VWA7: variants seen among roughly 807,000 people sequenced by gnomAD.
VWA7 encodes von Willebrand factor A domain-containing protein 7.
Under a neutral mutation model 83.1 loss-of-function variants are expected in VWA7, and 66 were observed. The observed-to-expected ratio is 0.79, with a 90% CI of 0.65 to 0.98. VWA7 has a LOEUF of 0.98. VWA7 is among the 50% of genes least tolerant of loss of function. The pLI is 0.00. For missense variants in VWA7, 1,080 were observed against 1,160.2 expected (o/e 0.93, Z 1.00); for synonymous variants, 424 against 488.5 (o/e 0.87, Z 1.74).
At position 31,767,201 on chromosome 6, in the gene VWA7, A is replaced by G; in HGVS notation, c.1839T>C (p.Asp613=). ...GGGGGTAGAGGCCAGGGTGGGGTCC[A>G]TCCTCCATGGGGATCCCAAAGTGGA... ...FLFHFGIPME[D]GPHPGLYPLT... The change falls in exon 13 of 17, where the codon GAT becomes GAC. Residue 613 remains aspartate, a synonymous_variant. Coordinates refer to ENST00000375688, the MANE Select transcript of VWA7 (RefSeq NM_025258.3). The G allele has an allele frequency of 6.3e-7, 1 of 1,596,304 alleles. No individual in the cohort carries two copies. Among genetic ancestry groups the G allele is most frequent in the Non-Finnish European group, 8.5e-7 (1 of 1,174,718 alleles).
In VWA7 at chr6:31,771,066, A is replaced by G. The variant is rs370802669; in HGVS notation, c.1088-953T>C. Reference sequence around the variant, plus strand: ...AAAAAAACTGGGTTTCCTCATAAGAAAAGAGACCGAATAGCACTTACCTCA... The same window carrying G: ...AAAAAAACTGGGTTTCCTCATAAGAGAAGAGACCGAATAGCACTTACCTCA... On this transcript the variant is annotated intron_variant, in intron 7 of 16. Coordinates refer to ENST00000375688, the MANE Select transcript of VWA7 (RefSeq NM_025258.3). Among the ~76,000 whole-genome samples, 691 of 152,106 alleles carry G rather than the reference A, an allele frequency of 4.5e-3. 22 individuals carry two copies. The South Asian group carries it at 0.081, about 18-fold the overall frequency.
intron 7 of VWA7, 90 bp downstream of exon 7, chr6:31,772,864 G>C: frequency 1.4e-6 from 2 of 1,478,124 alleles, no homozygotes; most frequent in Non-Finnish European, 1.8e-6. Context: ...CTCCCAAAGT[G>C]CTGGGATTAC....
At position 31,766,027 on chromosome 6, in the gene VWA7, C is replaced by A. The variant is rs1428662504; in HGVS notation, c.2355G>T (p.Trp785Cys). The A allele has an allele frequency of 6.2e-7, 1 of 1,613,006 alleles. No individual in the cohort carries two copies. The highest frequency in any genetic ancestry group is 1.7e-5 in the Admixed American group (1 of 60,032). Residue 785 changes from tryptophan to cysteine, a missense_variant, in exon 16 of 17, where the codon TGG becomes TGT. Coordinates refer to ENST00000375688, the MANE Select transcript of VWA7 (RefSeq NM_025258.3). This position sits in a 1 kb window ranked among gnomAD's most constrained non-coding sequence, Gnocchi z 4.9. ...RAHLELNESA[W>C]GRLWLEVPDS... ...CTGGGACCTCCAGCCACAGGCGGCC[C>A]CAGGCCGACTCATTCAGTTCCAGGT...
In VWA7 at chr6:31,766,887, G is replaced by C; in HGVS notation, c.1883-123C>G. ...ATGGATGGGAAAATAGGTTACCTTC[G>C]AGGGGTATTGATGGGGAGCATCAGG... On this transcript the variant is annotated intron_variant, in intron 13 of 16. Transcript: ENST00000375688. The surrounding 1 kb of genome is among the most constrained non-coding windows in gnomAD (Gnocchi z 4.9). The C allele has an allele frequency of 9.1e-7, 1 of 1,098,980 alleles. No individual in the cohort carries two copies. The highest frequency in any genetic ancestry group is 1.3e-6 in the Non-Finnish European group (1 of 791,102). 68.1% of individuals were successfully genotyped at this position (1,098,980 alleles called of 1,614,324 possible). A position where few individuals can be genotyped will look rare whatever the true frequency, so the allele number is the denominator to read the frequency against.
chr6:31,776,520 G>A lies in VWA7; in HGVS notation c.234+26C>T, dbSNP rs1183126989. The A allele has an allele frequency of 2.6e-6, 4 of 1,521,840 alleles. No individual in the cohort carries two copies. Among genetic ancestry groups the A allele is most frequent in the Middle Eastern group, 1.7e-4 (1 of 5,858 alleles). The allele number at this position is 1,521,840 out of a possible 1,614,324, so 94.3% of individuals were successfully genotyped here. ...CATGGAATTGGGGACTCTGGCAGGG[G>A]TGTGACAGGACCCTGGGATGCTCAC... On this transcript the variant is annotated intron_variant, in intron 2 of 16. Coordinates refer to ENST00000375688, the MANE Select transcript of VWA7 (RefSeq NM_025258.3). This position sits in a 1 kb window ranked among gnomAD's most constrained non-coding sequence, Gnocchi z 6.2.
In VWA7 at chr6:31,766,516, G is replaced by A. The variant is rs28400001; in HGVS notation, c.2131C>T (p.Arg711Cys). The A allele has an allele frequency of 3.0e-3, 4,791 of 1,607,468 alleles. 88 individuals are homozygous for A. The African/African-American group carries it at 0.049, about 17-fold the overall frequency. The change falls in exon 14 of 17, where the codon CGC becomes TGC. Residue 711 changes from arginine to cysteine, a missense_variant. Transcript: ENST00000375688. The surrounding 1 kb of genome is among the most constrained non-coding windows in gnomAD (Gnocchi z 4.9). ...ELIGQDAAGR[R>C]LHRAAPQPST... ...GGCTGAGGGGCAGCCCTGTGCAGGC[G>A]CCGCCCCGCTGCGTCCTGGCCAATC...
At chr6:31,772,491 C>T (rs967892609) in intron 7 of VWA7, among the ~76,000 whole-genome samples, 1 of 150,290 alleles carries the variant, frequency 6.7e-6, no homozygotes, top group Admixed American at 6.6e-5. Context: ...GAGGCTCACT[C>T]GGGACTACAG....
In VWA7 at chr6:31,765,601, GAGGCCAGGCCTAGC is replaced by G; in HGVS notation, c.2655_2668del (p.Gly887ValfsTer?). ...CCTTTAGAGCCCGTTGTGTCACCAG[GAGGCCAGGCCTAGC>G]AGAAGCAGCACCCCTCCAACTGTGC... On this transcript the variant is annotated frameshift_variant, in exon 17 of 17. Transcript: ENST00000375688. LOFTEE classifies it high-confidence loss of function. 1 of 1,610,848 alleles carries G rather than the reference GAGGCCAGGCCTAGC, an allele frequency of 6.2e-7. No homozygotes were observed. Among genetic ancestry groups the G allele is most frequent in the Non-Finnish European group, 8.5e-7 (1 of 1,179,434 alleles).
chr6:31,770,096 T>C lies in VWA7; in HGVS notation c.1105A>G (p.Thr369Ala), dbSNP rs1812032769. The stretch of plus-strand genomic sequence containing the variant: ...CAGAAGCTGTCAGGGTCACTGGTTG[T>C]AAAGACAGGGCCGAACCCTGGGAAG... ...FHDPGFGPVF[T>A]TSDPDSFWQQ... Residue 369 changes from threonine (T) to alanine (A), a missense_variant, in exon 8 of 17, where the codon ACA becomes GCA. By Grantham distance (58) the Thr-to-Ala change is moderately conservative. Coordinates refer to ENST00000375688, the MANE Select transcript of VWA7 (RefSeq NM_025258.3). 6.2e-7 allele frequency: 1 copy of C among 1,612,392 alleles called. No individual in the cohort carries two copies. Among genetic ancestry groups the C allele is most frequent in the African/African-American group, 1.3e-5 (1 of 74,718 alleles).
At position 31,766,456 on chromosome 6, in the gene VWA7, G is replaced by A. The variant is rs1479301079; in HGVS notation, c.2184+7C>T. 6 of 1,586,842 alleles carry A rather than the reference G, an allele frequency of 3.8e-6. No homozygotes were observed. The highest frequency in any genetic ancestry group is 1.8e-5 in the Admixed American group (1 of 56,130). ...AGCCCCAGCCGCACTTTCCCCTGGC[G>A]TCTCACCTCCAGAAGGACAGGGACT... On this transcript the variant is annotated splice_region_variant and intron_variant, in intron 14 of 16. Transcript: ENST00000375688. This position sits in a 1 kb window ranked among gnomAD's most constrained non-coding sequence, Gnocchi z 4.9.
intron 7 of VWA7, among the ~76,000 whole-genome samples, chr6:31,772,142 CTTT>C (rs761228094): frequency 5.0e-5 from 7 of 140,816 alleles, no homozygotes; most frequent in East Asian, 2.0e-4. Context: ...TGCTAGTTAT[CTTT>C]TTTTTTTTTT....
In VWA7 at chr6:31,776,100, A is replaced by G. The variant is rs778858150; in HGVS notation, c.377T>C (p.Leu126Pro). 1.9e-6 allele frequency: 3 copies of G among 1,614,024 alleles called. No individual in the cohort carries two copies. Among genetic ancestry groups the G allele is most frequent in the Admixed American group, 1.7e-5 (1 of 60,020 alleles). ...ACCCAGTCGCTCAGCATCAAAGTGCAGGTCGGGGTCATTCCTGGAAGTTGG... is the reference window on the plus strand; with the variant it reads ...ACCCAGTCGCTCAGCATCAAAGTGCGGGTCGGGGTCATTCCTGGAAGTTGG... ...FLPTSRNDPD[L>P]HFDAERLGQG... The change falls in exon 3 of 17, where the codon CTG (leucine) becomes CCG (proline). Residue 126 changes from leucine to proline, a missense_variant. Physicochemically the swap from Leu to Pro is moderately conservative, Grantham distance 98. Coordinates refer to ENST00000375688, the MANE Select transcript of VWA7 (RefSeq NM_025258.3). This position sits in a 1 kb window ranked among gnomAD's most constrained non-coding sequence, Gnocchi z 6.2.
chr6:31,766,034 G>A lies in VWA7; in HGVS notation c.2348C>T (p.Ser783Leu), dbSNP rs775332511. The change falls in exon 16 of 17, where the codon TCG becomes TTG. Residue 783 changes from serine (S) to leucine (L), a missense_variant. Coordinates refer to ENST00000375688, the MANE Select transcript of VWA7 (RefSeq NM_025258.3). The surrounding 1 kb of genome is among the most constrained non-coding windows in gnomAD (Gnocchi z 4.9). ...LSRAHLELNE[S>L]AWGRLWLEVP... ...CTCCAGCCACAGGCGGCCCCAGGCCGACTCATTCAGTTCCAGGTGAGCCCT... is the reference window on the plus strand; with the variant it reads ...CTCCAGCCACAGGCGGCCCCAGGCCAACTCATTCAGTTCCAGGTGAGCCCT... The A allele has an allele frequency of 2.2e-5, 36 of 1,612,906 alleles. No individual in the cohort carries two copies. The Admixed American group carries it at 4.3e-4, about 19-fold the overall frequency.
intron 7 of VWA7, 144 bp from the exon 8 acceptor site, chr6:31,770,257 C>T (rs1373032549): frequency 1.5e-5 from 10 of 677,048 alleles, no homozygotes; most frequent in Non-Finnish European, 2.5e-5. Flanking sequence ...AAGACTCATA[C>T]TTGGCCGGGT....
intron 7 of VWA7, among the ~76,000 whole-genome samples, chr6:31,772,750 C>G (rs1168604386): frequency 1.3e-5 from 2 of 151,822 alleles, no homozygotes; most frequent in African/African-American, 2.4e-5. Flanking sequence ...TAGGTGCCCA[C>G]CACCACGCCC....
chr6:31,771,011 C>CAAAAAA (rs36055758), intron 7 of VWA7, among the ~76,000 whole-genome samples: 6 of 79,006 alleles, frequency 7.6e-5, no homozygotes, highest in East Asian at 3.4e-4. Flanking sequence ...CTCTCTCTCT[C>CAAAAAA]AAAAAAAAAA....
Position 31,776,351 on chromosome 6 carries a change from C to T in VWA7, c.235-109G>A. ...AGGCTGGGTATGAGGGTCCTGAGCC[C>T]CACAAAGGAGGGACAGTCCCGGACC... is the stretch of plus-strand genomic sequence containing the variant. On this transcript the variant is annotated intron_variant, in intron 2 of 16. Coordinates refer to ENST00000375688, the MANE Select transcript of VWA7 (RefSeq NM_025258.3). The surrounding 1 kb of genome is among the most constrained non-coding windows in gnomAD (Gnocchi z 6.2). 6.8e-7 allele frequency: 1 copy of T among 1,465,942 alleles called. No homozygotes were observed. The highest frequency in any genetic ancestry group is 9.2e-7 in the Non-Finnish European group (1 of 1,092,364). The allele number at this position is 1,465,942 out of a possible 1,614,324, so 90.8% of individuals were successfully genotyped here.
At chr6:31,768,422 A>G (rs1461238414) in intron 10 of VWA7, among the ~76,000 whole-genome samples, 3 of 152,072 alleles carry the variant, frequency 2.0e-5, no homozygotes, top group Non-Finnish European at 4.4e-5. Context: ...CAGCTTAGTC[A>G]ATATAGCAAG....
Position 31,769,913 on chromosome 6 carries a change from G to C in VWA7, c.1200+88C>G. 1 of 1,485,004 alleles carries C rather than the reference G, an allele frequency of 6.7e-7. No homozygotes were observed. 92.0% of individuals were successfully genotyped at this position (1,485,004 alleles called of 1,614,324 possible). The stretch of plus-strand genomic sequence containing the variant: ...CCCTACAGTGAAGCTAGTGGATCTA[G>C]GTGCTGAAGGTGGTGGGGAGCCCCA... On this transcript the variant is annotated intron_variant, in intron 8 of 16. Coordinates refer to ENST00000375688, the MANE Select transcript of VWA7 (RefSeq NM_025258.3). This position sits in a 1 kb window ranked among gnomAD's most constrained non-coding sequence, Gnocchi z 4.5.
Sources: allele counts gnomAD v4.1 joint callset (sites outside exome capture counted in the v4.1 genomes callset), GRCh38; gene constraint gnomAD v4.1.1; non-coding constraint Gnocchi (gnomAD v3.1); transcripts MANE v1.5; gene names NCBI Gene and HGNC (gene_info 2026-07-23, HGNC 2026-07-21).